The following WIPF1 variants were observed in gnomAD, a reference collection of about 807,000 sequenced individuals.
WIPF1 encodes WAS/WASL-interacting protein family member 1.
WIPF1 carries 13 observed loss-of-function variants against 35.4 expected under a neutral mutation model. The observed-to-expected ratio is 0.37, with a 90% CI of 0.24 to 0.58. WIPF1 has a LOEUF of 0.58. Ranked by LOEUF, WIPF1 falls within the 20% of genes least tolerant of loss-of-function variation. The pLI is 0.74. For missense variants in WIPF1, 591 were observed against 667.0 expected (o/e 0.89, Z 1.25); for synonymous variants, 267 against 266.3 (o/e 1.00, Z -0.02).
Position 174,597,646 on chromosome 2 carries a change from C to G in WIPF1, c.-84G>C, listed in dbSNP as rs558367543. ...AGCCATGGTCAGGGACACAGGCAGA[C>G]AGAGGGCCAGCGGGACAGGAGCCAA... On this transcript the variant is annotated 5_prime_UTR_variant, in exon 1 of 8. Transcript: ENST00000679041. The G allele has an allele frequency of 2.2e-4, 34 of 152,758 alleles. No individual in the cohort carries two copies. The highest frequency in any genetic ancestry group is 8.2e-4 in the African/African-American group (34 of 41,572). The allele number at this position is 152,758 out of a possible 1,614,324, so 9.5% of individuals were successfully genotyped here.
At chr2:174,626,469 CA>C (rs1281275658) in intron 1 of WIPF1, among the ~76,000 whole-genome samples, 3 of 152,146 alleles carry the variant, frequency 2.0e-5, no homozygotes, top group African/African-American at 7.2e-5. Context: ...CACACATATC[CA>C]ACTGCCCACT....
At chr2:174,565,931 T>C (rs1206090780) in intron 7 of WIPF1, among the ~76,000 whole-genome samples, 1 of 152,180 alleles carries the variant, frequency 6.6e-6, no homozygotes, top group Non-Finnish European at 1.5e-5. Flanking sequence ...TCGCCCAGGC[T>C]GGAGTGCAAT....
At chr2:174,597,900 G>C (rs1295925910), upstream of WIPF1, 2 of 152,446 alleles carry the variant, frequency 1.3e-5, no homozygotes, top group African/African-American at 4.8e-5. Context: ...TAAGAAGCAA[G>C]CAAGAAAAAA....
In WIPF1 at chr2:174,562,234, G is replaced by A; in HGVS notation, c.*313C>T. ...AGTCTGTAACAAATAAGCAGTGAATGTTTGAATTTGGTTGGTGGAAAGCTG... is the reference window on the plus strand; with the variant it reads ...AGTCTGTAACAAATAAGCAGTGAATATTTGAATTTGGTTGGTGGAAAGCTG... On this transcript the variant is annotated 3_prime_UTR_variant, in exon 8 of 8. Coordinates refer to ENST00000679041, the MANE Select transcript of WIPF1 (RefSeq NM_001375834.1). The A allele has an allele frequency of 6.5e-7, 1 of 1,544,356 alleles. No individual in the cohort carries two copies. The highest frequency in any genetic ancestry group is 8.8e-7 in the Non-Finnish European group (1 of 1,142,244).
At chr2:174,566,932 G>A in intron 7 of WIPF1, 138 bp downstream of exon 7, 1 of 673,530 alleles carries the variant, frequency 1.5e-6, no homozygotes, top group Non-Finnish European at 2.5e-6. Flanking sequence ...CTGTGGAAGG[G>A]GAATTTACTA....
Position 174,562,181 on chromosome 2 carries a change from A to G in WIPF1, c.*366T>C. The G allele has an allele frequency of 3.2e-6, 5 of 1,550,500 alleles. No homozygotes were observed. The highest frequency in any genetic ancestry group is 4.4e-6 in the Non-Finnish European group (5 of 1,146,984). ...AGCATGCGAAAAAGGAACGGGAGAAAACAGCTCTCAGGGACTTTAATAATT... is the reference window on the plus strand; with the variant it reads ...AGCATGCGAAAAAGGAACGGGAGAAGACAGCTCTCAGGGACTTTAATAATT... On this transcript the variant is annotated 3_prime_UTR_variant, in exon 8 of 8. Transcript: ENST00000679041.
chr2:174,679,797 A>AT (rs1173641635), intron 1 of WIPF1, among the ~76,000 whole-genome samples: 2 of 152,230 alleles, frequency 1.3e-5, no homozygotes, highest in Non-Finnish European at 2.9e-5. Flanking sequence ...GACTTAAGTT[A>AT]TTTTGACCTG....
At position 174,560,100 on chromosome 2, in the gene WIPF1, A is replaced by G. The variant is rs1574776241; in HGVS notation, c.*2447T>C. The G allele has an allele frequency of 6.6e-6, 1 of 152,632 alleles. No homozygotes were observed. Among genetic ancestry groups the G allele is most frequent in the East Asian group, 1.9e-4 (1 of 5,208 alleles). 9.5% of individuals were successfully genotyped at this position (152,632 alleles called of 1,614,324 possible). A position where few individuals can be genotyped will look rare whatever the true frequency, so the allele number is the denominator to read the frequency against. On this transcript the variant is annotated 3_prime_UTR_variant, in exon 8 of 8. Coordinates refer to ENST00000679041, the MANE Select transcript of WIPF1 (RefSeq NM_001375834.1). ...TACATTTATCTGAAAATGTTATAAA[A>G]AAACACACATGTAAGCTCTGATTTC...
chr2:174,680,426 AT>A (rs1688223175), intron 1 of WIPF1, among the ~76,000 whole-genome samples: 1 of 152,244 alleles, frequency 6.6e-6, no homozygotes, highest in Non-Finnish European at 1.5e-5. Flanking sequence ...TGTGGAAACC[AT>A]TAAGAATTCA....
At chr2:174,659,032 G>C (rs1353642553) in intron 1 of WIPF1, among the ~76,000 whole-genome samples, 1 of 152,054 alleles carries the variant, frequency 6.6e-6, no homozygotes, top group African/African-American at 2.4e-5. Context: ...TGAGGATCTA[G>C]TAAGATAAAT....
intron 5 of WIPF1, chr2:174,570,755 G>C (rs1277142343): frequency 6.6e-6 from 1 of 152,148 alleles, no homozygotes; most frequent in Non-Finnish European, 1.5e-5. Context: ...CAGGGTCAAA[G>C]GTCTCTTATC....
chr2:174,586,061 C>G (rs1456085121), intron 1 of WIPF1, among the ~76,000 whole-genome samples: 1 of 152,208 alleles, frequency 6.6e-6, no homozygotes, highest in East Asian at 1.9e-4. Flanking sequence ...TGACATTCGC[C>G]AAGTCTGTGT....
chr2:174,570,761 T>C (rs1684804681), intron 5 of WIPF1: 1 of 152,172 alleles, frequency 6.6e-6, no homozygotes, highest in Admixed American at 6.5e-5. Flanking sequence ...CAAAGGTCTC[T>C]TATCTCTGCG....
intron 1 of WIPF1, among the ~76,000 whole-genome samples, chr2:174,613,523 A>G (rs546286958): frequency 5.3e-5 from 8 of 152,278 alleles, no homozygotes; most frequent in African/African-American, 1.9e-4. Flanking sequence ...GATGTTCCTC[A>G]CTTTGCACAG....
intron 1 of WIPF1, among the ~76,000 whole-genome samples, chr2:174,593,536 A>G (rs551612175): frequency 6.5e-4 from 99 of 152,322 alleles, no homozygotes; most frequent in East Asian, 3.9e-3. Flanking sequence ...TCTTGATTCT[A>G]TTCTTTAGAT....
intron 1 of WIPF1, among the ~76,000 whole-genome samples, chr2:174,662,706 T>A (rs1687804648): frequency 6.6e-6 from 1 of 152,174 alleles, no homozygotes; most frequent in Non-Finnish European, 1.5e-5. Flanking sequence ...CCAAAGGGAA[T>A]AAGAGGGCTG....
intron 3 of WIPF1, among the ~76,000 whole-genome samples, chr2:174,580,695 G>A (rs529962155): frequency 2.6e-5 from 4 of 152,332 alleles, no homozygotes; most frequent in Admixed American, 2.6e-4. Context: ...ATGTTAATAA[G>A]TAGCTTTGTT....
At chr2:174,662,569 C>T (rs552085502) in intron 1 of WIPF1, among the ~76,000 whole-genome samples, 30 of 152,338 alleles carry the variant, frequency 2.0e-4, no homozygotes, top group Middle Eastern at 3.4e-3. Context: ...AATCTGAGCC[C>T]CCTGAAATAG....
chr2:174,610,464 T>C (rs1015392496), intron 1 of WIPF1, among the ~76,000 whole-genome samples: 4 of 152,088 alleles, frequency 2.6e-5, no homozygotes, highest in Admixed American at 1.3e-4. Context: ...AGTTTGGGAA[T>C]AACAAACCAC....
Sources: gnomAD v4.1 joint callset for allele counts (sites outside exome capture counted in the v4.1 genomes callset) on GRCh38, gnomAD v4.1.1 for gene constraint, MANE v1.5 for transcripts, NCBI Gene and HGNC (gene_info 2026-07-23, HGNC 2026-07-21) for gene names.